Variants in ANKRD31 observed in about 807,000 individuals in gnomAD.
The protein encoded by ANKRD31 is ankyrin repeat domain 31.
A neutral mutation model predicts 186.0 loss-of-function variants in ANKRD31; 147 were observed. The observed-to-expected ratio is 0.79, with a 90% CI of 0.69 to 0.91. The LOEUF (loss-of-function observed/expected upper bound fraction) is 0.91. Ranked by LOEUF, ANKRD31 falls within the 40% of genes least tolerant of loss-of-function variation. ANKRD31 has a pLI of 0.00. For synonymous variants in ANKRD31, 673 were observed against 736.4 expected (o/e 0.91, Z 1.39); for missense variants, 1,986 against 2,148.8 (o/e 0.92, Z 1.50).
chr5:75,072,000 CCAA>C (rs1744272815), intron 25 of ANKRD31, among the ~76,000 whole-genome samples: 1 of 152,166 alleles, frequency 6.6e-6, no homozygotes, highest in Non-Finnish European at 1.5e-5. Flanking sequence ...CAGCATGACT[CCAA>C]CCACATTATC....
Position 75,199,657 on chromosome 5 carries a change from G to T in ANKRD31, c.421C>A (p.Pro141Thr). The part of the protein sequence containing the change: ...QNIEGPEAES[P>T]EVLPHIEKEL... ...TTTTCTATGTGTGGCAAAACTTCAGGACTTTCAGCCTCTGGCCCTAGAAAA... is the reference window on the plus strand; with the variant it reads ...TTTTCTATGTGTGGCAAAACTTCAGTACTTTCAGCCTCTGGCCCTAGAAAA... The change falls in exon 6 of 26, where the codon CCT (proline) becomes ACT (threonine). Residue 141 changes from proline to threonine, a missense_variant. By Grantham distance (38) the Pro-to-Thr change is conservative. Transcript: ENST00000506364. 1 of 1,532,922 alleles carries T rather than the reference G, an allele frequency of 6.5e-7. No individual in the cohort carries two copies. The highest frequency in any genetic ancestry group is 1.2e-5 in the South Asian group (1 of 83,734). The allele number at this position is 1,532,922 out of a possible 1,614,324, so 95.0% of individuals were successfully genotyped here.
At chr5:75,115,160 G>C (rs916072573) in intron 19 of ANKRD31, among the ~76,000 whole-genome samples, 55 of 150,652 alleles carry the variant, frequency 3.7e-4, no homozygotes, top group African/African-American at 1.3e-3. Context: ...AATGGGGAAA[G>C]GATTCCCTAT....
rs79964897 is a variant in ANKRD31 at position 75,166,564 on chromosome 5, T to C, written c.1707+2415A>G. Among the ~76,000 whole-genome samples the C allele has an allele frequency of 4.3e-4, 65 of 152,314 alleles. 2 individuals are homozygous for C. The East Asian group carries it at 8.9e-3, about 21-fold the overall frequency. The stretch of plus-strand genomic sequence containing the variant: ...GTCTGAGGCCTATTCTTTCAATATA[T>C]GTGAATCCCCAAATCAATGCCAACA... On this transcript the variant is annotated intron_variant, in intron 11 of 25. Transcript: ENST00000506364.
At chr5:75,130,278 T>A (rs6897274) in intron 17 of ANKRD31, among the ~76,000 whole-genome samples, 77,240 of 152,054 alleles carry the variant, frequency 0.51, 22,685 homozygotes, top group African/African-American at 0.82. Context: ...TACAGCTCAT[T>A]AAGGTAGTGC....
intron 1 of ANKRD31, among the ~76,000 whole-genome samples, chr5:75,231,390 T>C (rs1485222087): frequency 6.6e-6 from 1 of 152,120 alleles, no homozygotes; most frequent in Non-Finnish European, 1.5e-5. Context: ...ATTCCTTTAA[T>C]TTTTGGATTT....
chr5:75,116,383 C>T (rs1184306224), intron 19 of ANKRD31, among the ~76,000 whole-genome samples, 183 bp downstream of exon 19: 1 of 151,282 alleles, frequency 6.6e-6, no homozygotes, highest in Admixed American at 6.6e-5. Context: ...ACATTGTGCA[C>T]ATGTACCCTA....
At chr5:75,127,936 TTCATTGC>T (rs1009107530) in intron 17 of ANKRD31, among the ~76,000 whole-genome samples, 4 of 152,230 alleles carry the variant, frequency 2.6e-5, no homozygotes, top group Non-Finnish European at 5.9e-5. Context: ...CTTCCAATTG[TTCATTGC>T]TGTTATAGAG....
intron 10 of ANKRD31, among the ~76,000 whole-genome samples, chr5:75,187,248 G>A (rs1294543092): frequency 5.9e-5 from 9 of 151,862 alleles, no homozygotes; most frequent in Non-Finnish European, 2.9e-5. Context: ...GTAATTCTGT[G>A]GGATGTGGTA....
chr5:75,181,479 C>T (rs1485604419), intron 10 of ANKRD31, among the ~76,000 whole-genome samples: 1 of 152,032 alleles, frequency 6.6e-6, no homozygotes, highest in Non-Finnish European at 1.5e-5. Flanking sequence ...AGACTTGGAA[C>T]CAACCTAAAT....
intron 2 of ANKRD31, among the ~76,000 whole-genome samples, chr5:75,224,126 T>C (rs1486561827): frequency 2.0e-5 from 2 of 102,404 alleles, no homozygotes; most frequent in East Asian, 5.5e-4. Context: ...CTCTCAGAAA[T>C]AATTATATAT....
chr5:75,166,830 C>T (rs1442814283), intron 11 of ANKRD31, among the ~76,000 whole-genome samples: 1 of 152,192 alleles, frequency 6.6e-6, no homozygotes, highest in African/African-American at 2.4e-5. Context: ...ACTTTTTGCA[C>T]ATTTTCTAAG....
chr5:75,232,009 C>T (rs1757983484), intron 1 of ANKRD31, among the ~76,000 whole-genome samples: 1 of 151,930 alleles, frequency 6.6e-6, no homozygotes. Context: ...TAATCCTTAA[C>T]TTTTCTATTA....
At chr5:75,129,326 A>G (rs1045745506) in intron 17 of ANKRD31, among the ~76,000 whole-genome samples, 6 of 152,238 alleles carry the variant, frequency 3.9e-5, no homozygotes, top group Non-Finnish European at 7.3e-5. Context: ...ACCCAGCCTC[A>G]GGTAGTTTTT....
At chr5:75,109,928 GAA>G (rs1747633622) in intron 20 of ANKRD31, among the ~76,000 whole-genome samples, 1 of 152,180 alleles carries the variant, frequency 6.6e-6, no homozygotes, top group African/African-American at 2.4e-5. Flanking sequence ...GGACCAAAGA[GAA>G]ATTTCAGAAG....
intron 11 of ANKRD31, among the ~76,000 whole-genome samples, chr5:75,167,087 C>T (rs777810303): frequency 6.6e-6 from 1 of 152,016 alleles, no homozygotes; most frequent in Non-Finnish European, 1.5e-5. Context: ...CTCACCATTC[C>T]CCACCCTCTA....
chr5:75,131,577 C>T (rs1020965235), intron 17 of ANKRD31, among the ~76,000 whole-genome samples: 2 of 152,206 alleles, frequency 1.3e-5, no homozygotes, highest in African/African-American at 4.8e-5. Context: ...GACTCCACCT[C>T]TGGGGGCAAG....
chr5:75,184,085 G>A (rs1225240893), intron 10 of ANKRD31, among the ~76,000 whole-genome samples: 1 of 151,966 alleles, frequency 6.6e-6, no homozygotes, highest in East Asian at 1.9e-4. Context: ...ACAAAGCCCA[G>A]ACATAAATCC....
chr5:75,206,552 T>C (rs1756260712), intron 4 of ANKRD31, 65 bp from the exon 5 acceptor site: 7 of 922,696 alleles, frequency 7.6e-6, no homozygotes, highest in Non-Finnish European at 1.0e-5. Flanking sequence ...CTCATTCAAA[T>C]ACAATTTAAT....
At chr5:75,108,690 T>C (rs1747530070) in intron 20 of ANKRD31, among the ~76,000 whole-genome samples, 1 of 152,056 alleles carries the variant, frequency 6.6e-6, no homozygotes, top group African/African-American at 2.4e-5. Context: ...AAGTATTGAG[T>C]CAGTGTCCTC....
Sources: allele counts gnomAD v4.1 joint callset (sites outside exome capture counted in the v4.1 genomes callset), GRCh38; gene constraint gnomAD v4.1.1; transcripts MANE v1.5; gene names NCBI Gene and HGNC (gene_info 2026-07-23, HGNC 2026-07-21).